The following GRID2 variants were observed in gnomAD, a reference collection of about 807,000 sequenced individuals.
GRID2 encodes the protein glutamate ionotropic receptor delta type subunit 2.
A neutral mutation model predicts 114.8 loss-of-function variants in GRID2; 33 were observed. That is an observed-to-expected ratio of 0.29 (90% confidence interval 0.22 to 0.38). GRID2 has a LOEUF of 0.38. GRID2 is among the 10% of genes least tolerant of loss of function. GRID2 has a pLI of 1.00. For synonymous variants in GRID2, 505 were observed against 449.9 expected (o/e 1.12, Z -1.55); for missense variants, 1,184 against 1,257.7 (o/e 0.94, Z 0.89).
In GRID2 at chr4:92,617,346, G is replaced by T. The variant is rs568236035; in HGVS notation, c.244+27060G>T. On this transcript the variant is annotated intron_variant, in intron 2 of 15. Coordinates refer to ENST00000282020, the MANE Select transcript of GRID2 (RefSeq NM_001510.4). Reference sequence around the variant, plus strand: ...TAGCTTTTAAGCCCCGCATGTATTAGGTATTTGTCCTAATGCTCTCCCTCC... The same window carrying T: ...TAGCTTTTAAGCCCCGCATGTATTATGTATTTGTCCTAATGCTCTCCCTCC... 5.9e-5 allele frequency among the ~76,000 whole-genome samples: 9 copies of T among 151,494 alleles called. No individual in the cohort carries two copies. The South Asian group carries it at 1.9e-3, about 32-fold the overall frequency.
chr4:92,400,006 A>C (rs1276185652), intron 1 of GRID2, among the ~76,000 whole-genome samples: 1 of 152,166 alleles, frequency 6.6e-6, no homozygotes, highest in African/African-American at 2.4e-5. Context: ...GTGGAAACTG[A>C]AACTCATAAT....
intron 2 of GRID2, among the ~76,000 whole-genome samples, chr4:92,856,062 G>A (rs1744158873): frequency 1.3e-5 from 2 of 152,084 alleles, no homozygotes; most frequent in South Asian, 4.1e-4. Flanking sequence ...TTTCCTCCAA[G>A]CTGGAATTTT....
At chr4:93,544,444 T>C (rs1732992298) in intron 13 of GRID2, among the ~76,000 whole-genome samples, 2 of 152,166 alleles carry the variant, frequency 1.3e-5, no homozygotes. Flanking sequence ...CTATTTTATA[T>C]ATTCTAAAAT....
chr4:92,552,711 A>C (rs1726657017), intron 1 of GRID2, among the ~76,000 whole-genome samples: 1 of 152,184 alleles, frequency 6.6e-6, no homozygotes, highest in Admixed American at 6.6e-5. Flanking sequence ...AGGGAGTTGA[A>C]GTTTTGGGGA....
At chr4:93,108,338 T>A (rs4693305) in intron 3 of GRID2, among the ~76,000 whole-genome samples, 1 of 151,978 alleles carries the variant, frequency 6.6e-6, no homozygotes, top group Non-Finnish European at 1.5e-5. Flanking sequence ...TAGCTCCTAG[T>A]ATTGTGTCTA....
chr4:93,326,477 G>A (rs965871098), intron 8 of GRID2, among the ~76,000 whole-genome samples: 1 of 152,084 alleles, frequency 6.6e-6, no homozygotes, highest in Admixed American at 6.6e-5. Flanking sequence ...ATGGCTTCCA[G>A]AGAATCTAAA....
At chr4:93,376,890 T>C (rs986227186) in intron 8 of GRID2, among the ~76,000 whole-genome samples, 17 of 152,234 alleles carry the variant, frequency 1.1e-4, no homozygotes, top group African/African-American at 3.6e-4. Flanking sequence ...ACCTGGGTGA[T>C]GGGTTGATAA....
intron 14 of GRID2, among the ~76,000 whole-genome samples, chr4:93,629,046 C>A (rs192820112): frequency 9.2e-5 from 14 of 152,300 alleles, no homozygotes; most frequent in Admixed American, 7.2e-4. Context: ...GGATTACAGG[C>A]ATGAGCCACC....
At chr4:92,392,977 T>C (rs1231617045) in intron 1 of GRID2, among the ~76,000 whole-genome samples, 1 of 152,178 alleles carries the variant, frequency 6.6e-6, no homozygotes, top group Non-Finnish European at 1.5e-5. Flanking sequence ...AGAGGTTTAA[T>C]TGGCTATCAG....
intron 2 of GRID2, among the ~76,000 whole-genome samples, chr4:92,689,191 C>A (rs1266248685): frequency 6.6e-6 from 1 of 152,148 alleles, no homozygotes; most frequent in South Asian, 2.1e-4. Context: ...TAGCATAATT[C>A]TTAAGAGCTA....
intron 2 of GRID2, among the ~76,000 whole-genome samples, chr4:92,840,366 A>G (rs1028620754): frequency 2.0e-5 from 3 of 151,448 alleles, no homozygotes; most frequent in Non-Finnish European, 2.9e-5. Context: ...CATTTTTTTA[A>G]ATTTGTTTTC....
At chr4:93,288,138 G>A (rs942767805) in intron 8 of GRID2, among the ~76,000 whole-genome samples, 39 of 151,952 alleles carry the variant, frequency 2.6e-4, no homozygotes, top group African/African-American at 6.8e-4. Flanking sequence ...ATTTTATTGG[G>A]ATATCCTTAA....
chr4:92,685,730 T>C (rs954983366), intron 2 of GRID2, among the ~76,000 whole-genome samples: 5 of 151,876 alleles, frequency 3.3e-5, no homozygotes, highest in Admixed American at 3.3e-4. Context: ...ATGATGGGAG[T>C]GAGGATGCAG....
chr4:92,727,116 A>T (rs544934443), intron 2 of GRID2, among the ~76,000 whole-genome samples: 56 of 152,200 alleles, frequency 3.7e-4, no homozygotes, highest in Middle Eastern at 6.8e-3. Flanking sequence ...CTCCAATTAA[A>T]GCTTATTCCC....
chr4:93,411,537 C>T (rs1767134690), intron 9 of GRID2, among the ~76,000 whole-genome samples: 2 of 151,636 alleles, frequency 1.3e-5, no homozygotes, highest in African/African-American at 4.8e-5. Context: ...CGGGTTCAAG[C>T]GATTCTCCCG....
At chr4:93,440,123 G>T (rs1322674541) in intron 10 of GRID2, among the ~76,000 whole-genome samples, 1 of 152,008 alleles carries the variant, frequency 6.6e-6, no homozygotes, top group African/African-American at 2.4e-5. Flanking sequence ...ATGAAGAAGG[G>T]TTCTCAGCTG....
intron 14 of GRID2, among the ~76,000 whole-genome samples, chr4:93,746,387 T>A (rs1731844680): frequency 6.6e-6 from 1 of 152,110 alleles, no homozygotes; most frequent in Non-Finnish European, 1.5e-5. Context: ...TCATATATCT[T>A]ATTTCATGGT....
At chr4:93,606,827 G>C (rs1740285706) in intron 13 of GRID2, among the ~76,000 whole-genome samples, 1 of 152,004 alleles carries the variant, frequency 6.6e-6, no homozygotes, top group South Asian at 2.1e-4. Context: ...ATAAATCATA[G>C]GACTCAAAAG....
intron 2 of GRID2, among the ~76,000 whole-genome samples, chr4:92,920,591 TC>T (rs1056548323): frequency 8.5e-5 from 13 of 152,182 alleles, no homozygotes; most frequent in African/African-American, 2.9e-4. Flanking sequence ...GGATTTTATT[TC>T]TTCTTCACTT....
Sources: allele counts gnomAD v4.1 joint callset (sites outside exome capture counted in the v4.1 genomes callset), GRCh38; gene constraint gnomAD v4.1.1; transcripts MANE v1.5; gene names NCBI Gene and HGNC (gene_info 2026-07-23, HGNC 2026-07-21).